CDH13: variants seen among roughly 807,000 people sequenced by gnomAD.
The protein encoded by CDH13 is cadherin-13.
CDH13 carries 24 observed loss-of-function variants against 63.8 expected under a neutral mutation model. The ratio of observed to expected loss-of-function variants is 0.38; its 90% CI spans 0.27 to 0.53. The LOEUF (loss-of-function observed/expected upper bound fraction) is 0.53, where lower values mean the gene tolerates loss of function less well. Ranked by LOEUF, CDH13 falls within the 20% of genes least tolerant of loss-of-function variation. The pLI is 0.85. For synonymous variants in CDH13, 503 were observed against 355.3 expected (o/e 1.42, Z -4.67); for missense variants, 1,049 against 903.1 (o/e 1.16, Z -2.07).
At chr16:83,138,167 A>G (rs1379361910) in intron 4 of CDH13, among the ~76,000 whole-genome samples, 1 of 151,082 alleles carries the variant, frequency 6.6e-6, no homozygotes, top group Admixed American at 6.6e-5. Context: ...GAAGAAAGAG[A>G]GTCAGTTGAT....
intron 5 of CDH13, among the ~76,000 whole-genome samples, chr16:83,275,481 G>A (rs1035045661): frequency 6.6e-6 from 1 of 152,270 alleles, no homozygotes; most frequent in Middle Eastern, 3.4e-3. Context: ...GCTCATGCAG[G>A]CTTCTTAGTT....
At chr16:83,171,468 T>G in intron 4 of CDH13, 1 of 1,393,180 alleles carries the variant, frequency 7.2e-7, no homozygotes, top group Non-Finnish European at 9.8e-7. Context: ...CTTTTCTAAT[T>G]AGGTTACTCA....
intron 3 of CDH13, among the ~76,000 whole-genome samples, chr16:83,087,697 A>AAAAAAAAAAAAAAAAAAAAAAAC (rs1567817140): frequency 6.9e-6 from 1 of 144,300 alleles, no homozygotes; most frequent in African/African-American, 2.7e-5. Flanking sequence ...AAAAAAAAAA[A>AAAAAAAAAAAAAAAAAAAAAAAC]GCCTAGCACC....
intron 5 of CDH13, among the ~76,000 whole-genome samples, chr16:83,286,518 G>A (rs900088258): frequency 6.6e-6 from 1 of 152,062 alleles, no homozygotes; most frequent in Non-Finnish European, 1.5e-5. Context: ...CACTTTGGGA[G>A]GCCAAGGCAG....
intron 3 of CDH13, among the ~76,000 whole-genome samples, chr16:83,056,066 A>G (rs943178876): frequency 1.4e-4 from 22 of 152,232 alleles, no homozygotes; most frequent in African/African-American, 5.1e-4. Flanking sequence ...TTTTAACAAA[A>G]GAGGATATCT....
intron 1 of CDH13, among the ~76,000 whole-genome samples, chr16:82,841,431 T>A (rs1289421508): frequency 6.6e-6 from 1 of 152,180 alleles, no homozygotes; most frequent in Non-Finnish European, 1.5e-5. Flanking sequence ...AAGGTCAAAT[T>A]GATTATCCTG....
At chr16:82,967,449 C>T (rs570352275) in intron 2 of CDH13, among the ~76,000 whole-genome samples, 85 of 152,188 alleles carry the variant, frequency 5.6e-4, no homozygotes, top group Admixed American at 9.2e-4. Flanking sequence ...CCCGCTGAAT[C>T]CTCAACACCT....
chr16:83,284,400 G>A (rs753884828), intron 5 of CDH13, among the ~76,000 whole-genome samples: 2 of 152,144 alleles, frequency 1.3e-5, no homozygotes, highest in African/African-American at 2.4e-5. Flanking sequence ...TGTTTCACAG[G>A]TAAAAGTAAA....
intron 4 of CDH13, among the ~76,000 whole-genome samples, chr16:83,146,556 G>A (rs758923633): frequency 6.6e-6 from 1 of 152,162 alleles, no homozygotes; most frequent in Non-Finnish European, 1.5e-5. Flanking sequence ...GTCATTTTTT[G>A]TTTGTTCTAT....
chr16:83,397,124 C>T (rs1250911025), intron 6 of CDH13, among the ~76,000 whole-genome samples: 1 of 152,112 alleles, frequency 6.6e-6, no homozygotes, highest in African/African-American at 2.4e-5. Flanking sequence ...CCAGCATGTC[C>T]CTCCTCGGCC....
At position 83,177,982 on chromosome 16, in the gene CDH13, A is replaced by T. The variant is rs926960068; in HGVS notation, c.484-39363A>T. Reference sequence around the variant, plus strand: ...ATAAATCCTGAATGATAGATTGAGGATGAGTGGGTAGTAGATGGGCAGGAA... The same window carrying T: ...ATAAATCCTGAATGATAGATTGAGGTTGAGTGGGTAGTAGATGGGCAGGAA... On this transcript the variant is annotated intron_variant, in intron 4 of 13. Transcript: ENST00000567109. Among the ~76,000 whole-genome samples, 6 of 152,176 alleles carry T rather than the reference A, an allele frequency of 3.9e-5. 1 individual carries two copies. The highest frequency in any genetic ancestry group is 5.9e-5 in the Non-Finnish European group (4 of 68,036).
chr16:83,483,084 C>G (rs987842528), intron 6 of CDH13, among the ~76,000 whole-genome samples: 3 of 152,112 alleles, frequency 2.0e-5, no homozygotes, highest in African/African-American at 7.2e-5. Context: ...ACAGGGAAAC[C>G]GAGGCTCAGA....
Position 83,500,301 on chromosome 16 carries a change from TCC to T in CDH13, c.960+13647_960+13648del, listed in dbSNP as rs1567715282. ...CTTCTTCTTCTTCTTCTTCTCCTTCTCCTTCTCCTTCTCCTTCTCCTCCTCCT... is the reference window on the plus strand; with the variant it reads ...CTTCTTCTTCTTCTTCTTCTCCTTCTTTCTCCTTCTCCTTCTCCTCCTCCT... On this transcript the variant is annotated intron_variant, in intron 7 of 13. Coordinates refer to ENST00000567109, the MANE Select transcript of CDH13 (RefSeq NM_001257.5). Among the ~76,000 whole-genome samples, 12 of 2,044 alleles carry T rather than the reference TCC, an allele frequency of 5.9e-3. 2 individuals carry two copies. Among genetic ancestry groups the T allele is most frequent in the Admixed American group, 0.013 (1 of 78 alleles). The allele number at this position is 2,044 out of a possible 152,430, so 1.3% of individuals were successfully genotyped here. A position where few individuals can be genotyped will look rare whatever the true frequency, so the allele number is the denominator to read the frequency against.
At chr16:82,782,794 A>T (rs1354286553) in intron 1 of CDH13, among the ~76,000 whole-genome samples, 1 of 152,166 alleles carries the variant, frequency 6.6e-6, no homozygotes, top group African/African-American at 2.4e-5. Flanking sequence ...GTGAAGCTGC[A>T]GGAATCCTGA....
chr16:82,852,180 A>G (rs1181031691), intron 1 of CDH13, among the ~76,000 whole-genome samples: 2 of 152,154 alleles, frequency 1.3e-5, no homozygotes, highest in African/African-American at 4.8e-5. Flanking sequence ...CAGTTGTGTC[A>G]TGTTTTTCTT....
At chr16:83,124,461 T>A (rs142011198) in intron 3 of CDH13, among the ~76,000 whole-genome samples, 70 of 152,322 alleles carry the variant, frequency 4.6e-4, no homozygotes, top group African/African-American at 1.6e-3. Flanking sequence ...GGTTATCTGC[T>A]TAGTCTGTTG....
At chr16:83,698,045 A>G (rs1390162589) in intron 10 of CDH13, among the ~76,000 whole-genome samples, 1 of 152,258 alleles carries the variant, frequency 6.6e-6, no homozygotes, top group African/African-American at 2.4e-5. Flanking sequence ...ACTAAACTGT[A>G]AACCCCTTGA....
intron 5 of CDH13, among the ~76,000 whole-genome samples, chr16:83,246,889 C>T (rs559536858): frequency 3.3e-5 from 5 of 152,286 alleles, no homozygotes; most frequent in African/African-American, 1.2e-4. Flanking sequence ...TCTTCTGTTC[C>T]TGCATGCTAA....
At chr16:83,166,187 G>C (rs888570576) in intron 4 of CDH13, among the ~76,000 whole-genome samples, 6 of 152,122 alleles carry the variant, frequency 3.9e-5, no homozygotes, top group African/African-American at 1.4e-4. Flanking sequence ...GCTGATCCCT[G>C]TCATTAAGGG....
Sources: allele counts gnomAD v4.1 joint callset (sites outside exome capture counted in the v4.1 genomes callset), GRCh38; gene constraint gnomAD v4.1.1; transcripts MANE v1.5; gene names NCBI Gene and HGNC (gene_info 2026-07-23, HGNC 2026-07-21).